The following SGCZ variants were observed in gnomAD, a reference collection of about 807,000 sequenced individuals.
The protein encoded by SGCZ is sarcoglycan zeta, also known as zeta-sarcoglycan.
Under a neutral mutation model 41.3 loss-of-function variants are expected in SGCZ, and 40 were observed. That is an observed-to-expected ratio of 0.97 (90% CI 0.75 to 1.26). The LOEUF (loss-of-function observed/expected upper bound fraction) is 1.26, where lower values mean the gene tolerates loss of function less well. Among genes scored for constraint, SGCZ ranks in the 50% most tolerant of loss-of-function variants. The pLI is 0.00. For missense variants in SGCZ, 552 were observed against 369.8 expected (o/e 1.49, Z -4.04); for synonymous variants, 206 against 137.5 (o/e 1.50, Z -3.49).
At chr8:14,480,941 G>T (rs1323574502) in intron 2 of SGCZ, among the ~76,000 whole-genome samples, 1 of 151,910 alleles carries the variant, frequency 6.6e-6, no homozygotes, top group African/African-American at 2.4e-5. Context: ...GACTTGTAAA[G>T]ACTTAATGAA....
intron 2 of SGCZ, among the ~76,000 whole-genome samples, chr8:14,393,306 G>C (rs1804848607): frequency 6.6e-6 from 1 of 152,104 alleles, no homozygotes; most frequent in African/African-American, 2.4e-5. Context: ...TCCAGCTGCA[G>C]ACATAGACAA....
chr8:14,414,192 GCA>G (rs147187762), intron 2 of SGCZ, among the ~76,000 whole-genome samples: 34 of 150,938 alleles, frequency 2.3e-4, no homozygotes, highest in Non-Finnish European at 3.6e-4. Context: ...ACACACTCGC[GCA>G]CACACACACA....
intron 2 of SGCZ, among the ~76,000 whole-genome samples, chr8:14,446,145 C>G (rs898573455): frequency 6.6e-6 from 1 of 152,158 alleles, no homozygotes; most frequent in Non-Finnish European, 1.5e-5. Flanking sequence ...AGCACTCAGG[C>G]ATATATACCA....
intron 1 of SGCZ, among the ~76,000 whole-genome samples, chr8:15,097,079 T>C (rs989900641): frequency 2.0e-5 from 3 of 152,138 alleles, no homozygotes; most frequent in Non-Finnish European, 4.4e-5. Flanking sequence ...GCCTCCTGAA[T>C]AGGTGTGACT....
intron 1 of SGCZ, among the ~76,000 whole-genome samples, chr8:15,115,558 CAT>C (rs1481634012): frequency 3.9e-5 from 6 of 152,162 alleles, no homozygotes; most frequent in African/African-American, 1.4e-4. Context: ...GAATTGAAAA[CAT>C]ATGTAAAGGC....
intron 1 of SGCZ, among the ~76,000 whole-genome samples, chr8:14,867,095 C>A (rs1050499825): frequency 2.6e-5 from 4 of 152,240 alleles, no homozygotes; most frequent in African/African-American, 4.8e-5. Flanking sequence ...CTATCCTAGA[C>A]AAATGCAATT....
chr8:14,556,488 A>T (rs1804039650), intron 1 of SGCZ, among the ~76,000 whole-genome samples: 1 of 151,940 alleles, frequency 6.6e-6, no homozygotes, highest in African/African-American at 2.4e-5. Context: ...ATTTGGTTAC[A>T]TGAGTAAGTT....
intron 1 of SGCZ, among the ~76,000 whole-genome samples, chr8:14,738,003 G>T (rs1799096124): frequency 6.6e-6 from 1 of 151,954 alleles, no homozygotes; most frequent in Admixed American, 6.6e-5. Flanking sequence ...AATAAATAAT[G>T]ATCCCAAGTT....
At chr8:14,214,408 T>C (rs1479748042) in intron 4 of SGCZ, among the ~76,000 whole-genome samples, 1 of 152,072 alleles carries the variant, frequency 6.6e-6, no homozygotes, top group African/African-American at 2.4e-5. Flanking sequence ...CCTCAGGAAA[T>C]TTGAATATAC....
chr8:14,567,609 G>T (rs2117222707), intron 1 of SGCZ, among the ~76,000 whole-genome samples: 1 of 152,314 alleles, frequency 6.6e-6, no homozygotes, highest in Middle Eastern at 3.4e-3. Flanking sequence ...GCCTAAGCCA[G>T]CAGTGGCAAC....
intron 4 of SGCZ, among the ~76,000 whole-genome samples, chr8:14,203,994 GAAGA>G (rs1805538068): frequency 6.6e-6 from 1 of 151,686 alleles, no homozygotes; most frequent in South Asian, 2.1e-4. Context: ...AGCGCTCCAA[GAAGA>G]AAGAATAATA....
chr8:14,937,344 C>G (rs1269663551), intron 1 of SGCZ, among the ~76,000 whole-genome samples: 1 of 151,952 alleles, frequency 6.6e-6, no homozygotes, highest in African/African-American at 2.4e-5. Flanking sequence ...GATGGGAAAA[C>G]TGAATTCTTA....
At chr8:14,540,160 C>T (rs954009909) in intron 2 of SGCZ, among the ~76,000 whole-genome samples, 6 of 146,000 alleles carry the variant, frequency 4.1e-5, no homozygotes, top group Non-Finnish European at 9.0e-5. Flanking sequence ...CAATGCTTTT[C>T]GTTCAAAGAT....
At chr8:14,740,564 TCTC>T in intron 1 of SGCZ, among the ~76,000 whole-genome samples, 1 of 152,108 alleles carries the variant, frequency 6.6e-6, no homozygotes, top group Non-Finnish European at 1.5e-5. Flanking sequence ...TGTTTTTAAA[TCTC>T]CTTCTCAGTG....
chr8:14,527,354 C>A (rs1443320757), intron 2 of SGCZ, among the ~76,000 whole-genome samples: 1 of 152,028 alleles, frequency 6.6e-6, no homozygotes, highest in Non-Finnish European at 1.5e-5. Flanking sequence ...CAGGCTAGAG[C>A]GCAGTGGCGC....
chr8:14,177,725 C>T (rs559064888), intron 4 of SGCZ, among the ~76,000 whole-genome samples: 98 of 145,630 alleles, frequency 6.7e-4, no homozygotes, highest in African/African-American at 2.4e-3. Flanking sequence ...GGGGTTTCAC[C>T]GTGTTAGCCA....
chr8:14,284,120 C>G (rs7018176), intron 3 of SGCZ, among the ~76,000 whole-genome samples: 78,040 of 152,110 alleles, frequency 0.51, 20,514 homozygotes, highest in African/African-American at 0.57. Context: ...TGCTGAGCCT[C>G]GTGGCCAATG....
intron 1 of SGCZ, among the ~76,000 whole-genome samples, chr8:14,863,069 G>T (rs748883387): frequency 6.6e-6 from 1 of 152,016 alleles, no homozygotes; most frequent in East Asian, 1.9e-4. Flanking sequence ...TGAGTTCATC[G>T]CTCGGTTATG....
chr8:14,902,558 A>T lies in SGCZ; in HGVS notation c.39+335027T>A, dbSNP rs79910087. ...AAAATTCAACTAAAATGGCAAGAGC[A>T]TCTTTCTGGTTTTGGTGAATACCTT... is the stretch of plus-strand genomic sequence containing the variant. On this transcript the variant is annotated intron_variant, in intron 1 of 7. Coordinates refer to ENST00000382080, the MANE Select transcript of SGCZ (RefSeq NM_139167.4). Among the ~76,000 whole-genome samples the T allele has an allele frequency of 1.9e-3, 296 of 152,276 alleles. 1 individual carries two copies. Among genetic ancestry groups the T allele is most frequent in the African/African-American group, 6.8e-3 (282 of 41,562 alleles).
Sources: allele counts gnomAD v4.1 joint callset (sites outside exome capture counted in the v4.1 genomes callset), GRCh38; gene constraint gnomAD v4.1.1; transcripts MANE v1.5; gene names NCBI Gene and HGNC (gene_info 2026-07-23, HGNC 2026-07-21).